The following AUTS2 variants were observed in gnomAD, a reference collection of about 807,000 sequenced individuals.
AUTS2 encodes autism susceptibility gene 2 protein.
In AUTS2, 17 loss-of-function variants were observed where a neutral mutation model predicts 112.4. The ratio of observed to expected loss-of-function variants is 0.15; its 90% CI spans 0.10 to 0.23. The LOEUF (loss-of-function observed/expected upper bound fraction) is 0.23. Among genes scored for constraint, AUTS2 ranks in the 10% least tolerant of loss-of-function variants. The pLI is 1.00. For missense variants in AUTS2, 1,510 were observed against 1,701.6 expected (o/e 0.89, Z 1.98); for synonymous variants, 751 against 702.7 (o/e 1.07, Z -1.09).
At chr7:70,126,983 C>T (rs992483578) in intron 3 of AUTS2, among the ~76,000 whole-genome samples, 9 of 152,102 alleles carry the variant, frequency 5.9e-5, no homozygotes, top group African/African-American at 9.6e-5. Flanking sequence ...TACACCACCA[C>T]GCCTGGCTAA....
chr7:70,082,949 G>C (rs563110278), intron 2 of AUTS2, among the ~76,000 whole-genome samples: 1 of 152,250 alleles, frequency 6.6e-6, no homozygotes, highest in African/African-American at 2.4e-5. Context: ...CTTGGTGCTA[G>C]GGATTCATTA....
intron 5 of AUTS2, among the ~76,000 whole-genome samples, chr7:70,687,556 G>A (rs1467989362): frequency 3.3e-5 from 5 of 152,060 alleles, no homozygotes; most frequent in East Asian, 3.8e-4. Flanking sequence ...TTCTACACTC[G>A]GAAAATATTT....
intron 5 of AUTS2, among the ~76,000 whole-genome samples, chr7:70,459,013 A>G (rs1796858519): frequency 6.6e-6 from 1 of 152,330 alleles, no homozygotes; most frequent in Non-Finnish European, 1.5e-5. Flanking sequence ...CAGTCCACAC[A>G]TAGGATGGCT....
intron 4 of AUTS2, among the ~76,000 whole-genome samples, chr7:70,249,112 T>C (rs1045735994): frequency 5.3e-5 from 8 of 152,250 alleles, no homozygotes; most frequent in African/African-American, 1.9e-4. Flanking sequence ...ACTGTTACTA[T>C]TGAAATATAA....
intron 2 of AUTS2, among the ~76,000 whole-genome samples, chr7:70,076,383 C>G (rs1380406342): frequency 6.6e-6 from 1 of 152,058 alleles, no homozygotes; most frequent in Non-Finnish European, 1.5e-5. Context: ...ATCTTTTTTT[C>G]TCACCAACAT....
intron 5 of AUTS2, among the ~76,000 whole-genome samples, chr7:70,624,971 C>T (rs1290442399): frequency 1.3e-5 from 2 of 152,108 alleles, no homozygotes; most frequent in Non-Finnish European, 2.9e-5. Context: ...CCCAGCTCAC[C>T]AGTTTCCTCC....
At chr7:69,767,923 A>G (rs1788499804) in intron 1 of AUTS2, among the ~76,000 whole-genome samples, 1 of 152,192 alleles carries the variant, frequency 6.6e-6, no homozygotes, top group South Asian at 2.1e-4. Context: ...CAAGTTAGTC[A>G]CTGCCTCTTC....
At chr7:70,315,738 T>A (rs570759747) in intron 4 of AUTS2, among the ~76,000 whole-genome samples, 1 of 152,318 alleles carries the variant, frequency 6.6e-6, no homozygotes, top group African/African-American at 2.4e-5. Flanking sequence ...CTTACCCTCA[T>A]ATCCGGTCGA....
At chr7:70,506,940 A>G (rs1297277754) in intron 5 of AUTS2, among the ~76,000 whole-genome samples, 2 of 152,200 alleles carry the variant, frequency 1.3e-5, no homozygotes, top group Non-Finnish European at 2.9e-5. Context: ...GCTGTGAGAG[A>G]TGAAAGGACA....
chr7:70,134,964 T>A (rs189782135), intron 4 of AUTS2, among the ~76,000 whole-genome samples: 12 of 152,336 alleles, frequency 7.9e-5, no homozygotes, highest in Non-Finnish European at 1.8e-4. Flanking sequence ...CATCTCTTCA[T>A]ATACAATGAG....
chr7:70,062,136 G>A (rs951743265), intron 2 of AUTS2, among the ~76,000 whole-genome samples: 4 of 151,904 alleles, frequency 2.6e-5, no homozygotes, highest in African/African-American at 7.3e-5. Flanking sequence ...TTTATATAGA[G>A]AAAACATTTT....
At chr7:69,768,010 C>G (rs1223051361) in intron 1 of AUTS2, among the ~76,000 whole-genome samples, 1 of 152,212 alleles carries the variant, frequency 6.6e-6, no homozygotes, top group Non-Finnish European at 1.5e-5. Context: ...GTCTCTCCCA[C>G]CAGAGTTTAT....
intron 1 of AUTS2, among the ~76,000 whole-genome samples, chr7:69,767,635 C>T (rs1788485038): frequency 6.6e-6 from 1 of 152,168 alleles, no homozygotes; most frequent in Admixed American, 6.5e-5. Context: ...CCAATAGGGG[C>T]CAGGCCAGGT....
At chr7:69,903,611 A>G (rs901901250) in intron 2 of AUTS2, among the ~76,000 whole-genome samples, 5 of 152,322 alleles carry the variant, frequency 3.3e-5, no homozygotes, top group East Asian at 1.9e-4. Flanking sequence ...CTCTTCTAAC[A>G]GACACCAAGA....
chr7:70,475,133 G>T (rs1259895121), intron 5 of AUTS2, among the ~76,000 whole-genome samples: 1 of 152,236 alleles, frequency 6.6e-6, no homozygotes, highest in Non-Finnish European at 1.5e-5. Flanking sequence ...AGGGCCTCCT[G>T]TCTACACTCT....
intron 1 of AUTS2, among the ~76,000 whole-genome samples, chr7:69,831,024 C>A (rs560464683): frequency 6.6e-6 from 1 of 152,264 alleles, no homozygotes; most frequent in East Asian, 1.9e-4. Flanking sequence ...GGAAGGCTTT[C>A]ATAGACAGCC....
At chr7:70,203,398 CATT>C (rs1459648168) in intron 4 of AUTS2, among the ~76,000 whole-genome samples, 11 of 139,736 alleles carry the variant, frequency 7.9e-5, no homozygotes, top group Non-Finnish European at 1.7e-4. Context: ...AGTAGACTGA[CATT>C]GTACTTTTCA....
intron 5 of AUTS2, among the ~76,000 whole-genome samples, chr7:70,623,432 A>G (rs892070654): frequency 2.0e-5 from 3 of 152,174 alleles, no homozygotes; most frequent in Admixed American, 2.0e-4. Context: ...TGTGTCCAAT[A>G]CAGTAGCCAC....
chr7:70,455,794 A>G (rs1320980390), intron 5 of AUTS2, among the ~76,000 whole-genome samples: 1 of 151,978 alleles, frequency 6.6e-6, no homozygotes, highest in Admixed American at 6.5e-5. Context: ...CGCTACAATT[A>G]AAAAAAAGAA....
Sources: allele counts gnomAD v4.1 joint callset (sites outside exome capture counted in the v4.1 genomes callset), GRCh38; gene constraint gnomAD v4.1.1; transcripts MANE v1.5; gene names NCBI Gene and HGNC (gene_info 2026-07-23, HGNC 2026-07-21).